Variants in ZNF208 observed in about 807,000 individuals in gnomAD.
The protein encoded by ZNF208 is zinc finger protein 208.
Under a neutral mutation model 12.1 loss-of-function variants are expected in ZNF208, and 10 were observed. The ratio of observed to expected loss-of-function variants is 0.83; its 90% CI spans 0.51 to 1.40. The LOEUF is 1.40. ZNF208 is among the 40% of genes most tolerant of loss of function. The pLI is 0.00. For synonymous variants in ZNF208, 497 were observed against 488.4 expected, an observed-to-expected ratio of 1.02 and a Z score of -0.23; for missense variants, 1,652 against 1,485.0, an observed-to-expected ratio of 1.11 and a Z score of -1.85.
chr19:22,010,858 G>A lies in ZNF208; in HGVS notation c.-64C>T. On this transcript the variant is annotated 5_prime_UTR_variant, in exon 1 of 4. Coordinates refer to ENST00000397126, the MANE Select transcript of ZNF208 (RefSeq NM_007153.3). ...ATCTCCCAATACCTGCAGGTCATAG[G>A]GCCACAGAGGCTGGGACTCTAGGAG... 2 of 1,606,842 alleles carry A rather than the reference G, an allele frequency of 1.2e-6. No individual in the cohort carries two copies. Among genetic ancestry groups the A allele is most frequent in the South Asian group, 1.1e-5 (1 of 90,876 alleles).
At chr19:21,944,001 A>G (rs938397407) in intron 4 of ZNF208, among the ~76,000 whole-genome samples, 3 of 152,222 alleles carry the variant, frequency 2.0e-5, no homozygotes, top group African/African-American at 7.2e-5. Flanking sequence ...ACAAACTAAG[A>G]CTTAGTGTCT....
rs950476438 is a variant in ZNF208, at chr19:21,969,714, C to T, written c.*1477G>A. Among the ~76,000 whole-genome samples, 2 of 151,448 alleles carry T rather than the reference C, an allele frequency of 1.3e-5. No individual in the cohort carries two copies. The highest frequency in any genetic ancestry group is 4.8e-5 in the African/African-American group (2 of 41,396). On this transcript the variant is annotated 3_prime_UTR_variant, in exon 4 of 4. Transcript: ENST00000397126. ...TAGTACAAAATGTGTACAATAAAAT[C>T]TGTGATACAAGTACATGTACTACAA...
chr19:21,940,381 T>G (rs1319002745), intron 4 of ZNF208: 2 of 152,178 alleles, frequency 1.3e-5, no homozygotes, highest in Non-Finnish European at 2.9e-5. Context: ...AAGTTTGATG[T>G]TACCTCATCA....
intron 4 of ZNF208, chr19:21,940,539 A>T (rs1373479626): frequency 3.3e-5 from 5 of 151,908 alleles, no homozygotes; most frequent in African/African-American, 1.2e-4. Context: ...AAAACTGAAA[A>T]CTCGATTGGG....
intron 1 of ZNF208, among the ~76,000 whole-genome samples, chr19:22,001,994 C>T (rs1457492094): frequency 6.7e-6 from 1 of 150,342 alleles, no homozygotes; most frequent in Non-Finnish European, 1.5e-5. Context: ...AAAAAGCTAA[C>T]CCACTATGAT....
chr19:22,000,860 G>A (rs538743232), intron 1 of ZNF208, among the ~76,000 whole-genome samples: 1 of 152,222 alleles, frequency 6.6e-6, no homozygotes, highest in South Asian at 2.1e-4. Flanking sequence ...AAAAAAAAGA[G>A]ACATTAGCAC....
chr19:21,996,319 TCTTA>T (rs745863466), intron 1 of ZNF208, among the ~76,000 whole-genome samples: 4 of 152,196 alleles, frequency 2.6e-5, no homozygotes, highest in Admixed American at 6.5e-5. Flanking sequence ...TGTGAGAAAT[TCTTA>T]TTTATGTAAA....
chr19:21,999,833 C>T (rs375288458), intron 1 of ZNF208, among the ~76,000 whole-genome samples: 6 of 152,050 alleles, frequency 3.9e-5, no homozygotes, highest in African/African-American at 1.4e-4. Context: ...ATAATCTAAA[C>T]CTTTTATAAA....
Position 21,974,824 on chromosome 19 carries a change from A to G in ZNF208, c.227-17T>C, listed in dbSNP as rs760097480. 3 of 1,513,130 alleles carry G rather than the reference A, an allele frequency of 2.0e-6. No homozygotes were observed. Among genetic ancestry groups the G allele is most frequent in the South Asian group, 1.4e-5 (1 of 72,920 alleles). 93.7% of individuals were successfully genotyped at this position (1,513,130 alleles called of 1,614,324 possible). A position where few individuals can be genotyped will look rare whatever the true frequency, so the allele number is the denominator to read the frequency against. On this transcript the variant is annotated splice_polypyrimidine_tract_variant and intron_variant, in intron 3 of 3. Coordinates refer to ENST00000397126, the MANE Select transcript of ZNF208 (RefSeq NM_007153.3). ...AACATATAACTGAAAAGAAATAAAAATCACAAATTAGCCTACTTATTAGAC... is the reference window on the plus strand; with the variant it reads ...AACATATAACTGAAAAGAAATAAAAGTCACAAATTAGCCTACTTATTAGAC...
At chr19:21,979,410 G>A (rs1378839846) in intron 3 of ZNF208, among the ~76,000 whole-genome samples, 3 of 152,112 alleles carry the variant, frequency 2.0e-5, no homozygotes, top group Non-Finnish European at 4.4e-5. Flanking sequence ...AGAAGAGACT[G>A]GGGGGCCAAT....
At chr19:21,976,937 C>G (rs529852165) in intron 3 of ZNF208, among the ~76,000 whole-genome samples, 1 of 151,960 alleles carries the variant, frequency 6.6e-6, no homozygotes, top group Admixed American at 6.5e-5. Context: ...TAAAAAGACT[C>G]AAAGTGGCAA....
chr19:21,982,639 C>G (rs1287918787), intron 3 of ZNF208, among the ~76,000 whole-genome samples: 2 of 152,114 alleles, frequency 1.3e-5, no homozygotes, highest in Admixed American at 6.6e-5. Context: ...GTAAACAAAA[C>G]AGTATGGTAC....
intron 4 of ZNF208, among the ~76,000 whole-genome samples, chr19:21,959,584 G>A (rs1263346564): frequency 6.6e-6 from 1 of 152,138 alleles, no homozygotes; most frequent in Non-Finnish European, 1.5e-5. Flanking sequence ...TGTTTTTCAG[G>A]CAGTAAAAAT....
chr19:21,979,872 A>G (rs1970504926), intron 3 of ZNF208, among the ~76,000 whole-genome samples: 1 of 152,236 alleles, frequency 6.6e-6, no homozygotes. Flanking sequence ...AAATAAAGTT[A>G]TGGAGGAATA....
intron 1 of ZNF208, among the ~76,000 whole-genome samples, chr19:21,993,670 C>T (rs1368201346): frequency 6.6e-6 from 1 of 152,098 alleles, no homozygotes; most frequent in East Asian, 1.9e-4. Context: ...TGATGTTGCT[C>T]CCACTGGGCT....
chr19:21,971,662 C>T lies in ZNF208; in HGVS notation c.3372G>A (p.Thr1124=), dbSNP rs766579963. Residue 1124 remains threonine (T), a synonymous_variant, in exon 4 of 4, where the codon ACG becomes ACA. Coordinates refer to ENST00000397126, the MANE Select transcript of ZNF208 (RefSeq NM_007153.3). ...CCTTATGTTTAGTAAGGATTGAGAA[C>T]GTACTAAAGCTTTTGCCACATTCTT... ...KCEECGKSFS[T]FSILTKHKVI... is the part of the protein sequence containing the mutation. The T allele has an allele frequency of 1.8e-4, 296 of 1,612,470 alleles. No individual in the cohort carries two copies. The highest frequency in any genetic ancestry group is 1.7e-3 in the East Asian group (77 of 44,612).
chr19:22,004,132 T>TCA (rs1015346077), intron 1 of ZNF208, among the ~76,000 whole-genome samples: 3 of 152,034 alleles, frequency 2.0e-5, no homozygotes, highest in Admixed American at 2.0e-4. Context: ...TGAGCCAAGA[T>TCA]CACACCACTG....
chr19:22,010,088 G>A (rs892498524), intron 1 of ZNF208, among the ~76,000 whole-genome samples: 6 of 151,986 alleles, frequency 3.9e-5, no homozygotes, highest in African/African-American at 1.2e-4. Context: ...GGAAGGCTGA[G>A]GCAGTGGAAT....
intron 3 of ZNF208, among the ~76,000 whole-genome samples, chr19:21,985,083 A>G (rs1277174629): frequency 6.6e-6 from 1 of 152,248 alleles, no homozygotes; most frequent in Non-Finnish European, 1.5e-5. Flanking sequence ...AAAAAAGCAG[A>G]AAATATTCTA....
Sources: allele counts gnomAD v4.1 joint callset (sites outside exome capture counted in the v4.1 genomes callset), GRCh38; gene constraint gnomAD v4.1.1; transcripts MANE v1.5; gene names NCBI Gene and HGNC (gene_info 2026-07-23, HGNC 2026-07-21).